SNX29: variants seen among roughly 807,000 people sequenced by gnomAD.
SNX29 encodes sorting nexin 29.
A neutral mutation model predicts 102.1 loss-of-function variants in SNX29; 78 were observed. That is an observed-to-expected ratio of 0.76 (90% CI 0.64 to 0.92). SNX29 has a LOEUF of 0.92. Ranked by LOEUF, SNX29 falls within the 40% of genes least tolerant of loss-of-function variation. The pLI is 0.00. For missense variants in SNX29, 1,280 were observed against 1,061.7 expected (o/e 1.21, Z -2.86); for synonymous variants, 580 against 414.5 (o/e 1.40, Z -4.85).
At chr16:12,525,650 C>A (rs957706969) in intron 20 of SNX29, among the ~76,000 whole-genome samples, 1 of 151,620 alleles carries the variant, frequency 6.6e-6, no homozygotes, top group African/African-American at 2.4e-5. Flanking sequence ...TGAGATTGTG[C>A]CGCTGCACTC....
Position 12,568,798 on chromosome 16 carries a change from G to T in SNX29, c.*169G>T. On this transcript the variant is annotated 3_prime_UTR_variant, in exon 21 of 21. Coordinates refer to ENST00000566228, the MANE Select transcript of SNX29 (RefSeq NM_032167.5). ...ACCCCGATTAAACTAATCAGTCTTC[G>T]AGCCGCATGATACCGTGACCCGAGA... The T allele has an allele frequency of 9.3e-7, 1 of 1,076,926 alleles. No individual in the cohort carries two copies. The highest frequency in any genetic ancestry group is 1.3e-6 in the Non-Finnish European group (1 of 770,402). 66.7% of individuals were successfully genotyped at this position (1,076,926 alleles called of 1,614,324 possible). A position where few individuals can be genotyped will look rare whatever the true frequency, so the allele number is the denominator to read the frequency against.
At chr16:12,399,448 G>T (rs11866770) in intron 17 of SNX29, among the ~76,000 whole-genome samples, 6 of 152,182 alleles carry the variant, frequency 3.9e-5, no homozygotes, top group Admixed American at 3.3e-4. Flanking sequence ...CATCTCTGGC[G>T]AGTTTAAGGT....
At chr16:12,477,218 C>A (rs2087695903) in intron 18 of SNX29, among the ~76,000 whole-genome samples, 1 of 152,172 alleles carries the variant, frequency 6.6e-6, no homozygotes, top group South Asian at 2.1e-4. Context: ...TCAGCTCTTG[C>A]CCCCTCCCTT....
chr16:12,534,925 C>T (rs530468382), intron 20 of SNX29, among the ~76,000 whole-genome samples: 8 of 152,172 alleles, frequency 5.3e-5, no homozygotes, highest in Non-Finnish European at 1.0e-4. Context: ...GCATCCTACA[C>T]CTCACAGGAT....
intron 19 of SNX29, among the ~76,000 whole-genome samples, chr16:12,480,125 A>G (rs75828575): frequency 0.027 from 4,165 of 152,304 alleles, 103 homozygotes; most frequent in East Asian, 0.091. Flanking sequence ...CATTAAGTCA[A>G]CACTTGCTGT....
chr16:12,453,068 T>C (rs2086378261), intron 18 of SNX29, among the ~76,000 whole-genome samples: 1 of 152,178 alleles, frequency 6.6e-6, no homozygotes, highest in African/African-American at 2.4e-5. Flanking sequence ...GGTGGCAGCA[T>C]GTGCCTCCCC....
At chr16:12,483,887 C>G (rs62028450) in intron 19 of SNX29, among the ~76,000 whole-genome samples, 32 of 152,062 alleles carry the variant, frequency 2.1e-4, no homozygotes, top group Non-Finnish European at 3.1e-4. Context: ...ATTCCACTTG[C>G]ATTTCATTGG....
intron 3 of SNX29, among the ~76,000 whole-genome samples, chr16:12,019,011 C>T (rs1334028585): frequency 6.6e-6 from 1 of 151,880 alleles, no homozygotes; most frequent in African/African-American, 2.4e-5. Flanking sequence ...ATGCTATATC[C>T]AAGTTTTCTA....
At chr16:12,215,159 G>A (rs147618159) in intron 14 of SNX29, among the ~76,000 whole-genome samples, 4 of 152,114 alleles carry the variant, frequency 2.6e-5, no homozygotes, top group Admixed American at 2.6e-4. Context: ...TGTGAGGTGG[G>A]TACTATTATC....
At chr16:12,084,023 A>C (rs2052037584) in intron 11 of SNX29, among the ~76,000 whole-genome samples, 1 of 152,108 alleles carries the variant, frequency 6.6e-6, no homozygotes, top group Admixed American at 6.6e-5. Flanking sequence ...ATTCAGAGGG[A>C]CTGTATTCTT....
rs147477843 is a variant in SNX29 at position 12,549,782 on chromosome 16, C to G, written c.2319-18724C>G. Reference sequence around the variant, plus strand: ...GTTGGTGATTAGCAGGTGATTTCTACTTGCAGACAAGGCCCATCATGGCTT... The same window carrying G: ...GTTGGTGATTAGCAGGTGATTTCTAGTTGCAGACAAGGCCCATCATGGCTT... On this transcript the variant is annotated intron_variant, in intron 20 of 20. Transcript: ENST00000566228. 4.8e-3 allele frequency among the ~76,000 whole-genome samples: 733 copies of G among 152,370 alleles called. 3 individuals are homozygous for G. The highest frequency in any genetic ancestry group is 0.017 in the African/African-American group (703 of 41,600).
chr16:11,982,758 T>C (rs1269391953), intron 1 of SNX29, among the ~76,000 whole-genome samples: 1 of 151,966 alleles, frequency 6.6e-6, no homozygotes, highest in African/African-American at 2.4e-5. Flanking sequence ...CTGAGATTCC[T>C]GTTTCAAGGG....
intron 15 of SNX29, among the ~76,000 whole-genome samples, chr16:12,298,014 AC>A (rs1460095602): frequency 1.3e-5 from 2 of 152,216 alleles, no homozygotes; most frequent in African/African-American, 4.8e-5. Context: ...TACTAAAAAT[AC>A]AAAAAATAGC....
At chr16:12,272,771 T>G (rs1332733995) in intron 14 of SNX29, among the ~76,000 whole-genome samples, 2 of 152,220 alleles carry the variant, frequency 1.3e-5, no homozygotes, top group Non-Finnish European at 2.9e-5. Flanking sequence ...AAGCCCCTCT[T>G]GGAAGCTTTT....
At chr16:12,352,425 G>A (rs1457747250) in intron 15 of SNX29, among the ~76,000 whole-genome samples, 1 of 152,126 alleles carries the variant, frequency 6.6e-6, no homozygotes, top group African/African-American at 2.4e-5. Context: ...TAAATGATGA[G>A]TTAATGGGTG....
At chr16:12,200,674 G>A (rs2076891820) in intron 14 of SNX29, among the ~76,000 whole-genome samples, 1 of 152,040 alleles carries the variant, frequency 6.6e-6, no homozygotes, top group Non-Finnish European at 1.5e-5. Context: ...GTAGAGATGG[G>A]GGATTTCACC....
intron 15 of SNX29, among the ~76,000 whole-genome samples, chr16:12,338,993 G>A (rs2081533627): frequency 7.4e-6 from 1 of 134,358 alleles, no homozygotes; most frequent in Non-Finnish European, 1.7e-5. Flanking sequence ...TTCCACCTGT[G>A]GCCGTCATGG....
chr16:12,169,130 A>G (rs1329898910), intron 13 of SNX29, among the ~76,000 whole-genome samples: 1 of 152,234 alleles, frequency 6.6e-6, no homozygotes, highest in African/African-American at 2.4e-5. Flanking sequence ...AGCTCTGTGA[A>G]TATGCTGAAA....
At chr16:12,055,008 C>T (rs1030034688) in intron 8 of SNX29, among the ~76,000 whole-genome samples, 4 of 152,130 alleles carry the variant, frequency 2.6e-5, no homozygotes, top group Non-Finnish European at 4.4e-5. Flanking sequence ...CTTGTTCTTG[C>T]TCATAGGGTA....
Sources: gnomAD v4.1 joint callset for allele counts (sites outside exome capture counted in the v4.1 genomes callset) on GRCh38, gnomAD v4.1.1 for gene constraint, MANE v1.5 for transcripts, NCBI Gene and HGNC (gene_info 2026-07-23, HGNC 2026-07-21) for gene names.